SAMHD1: variants seen among roughly 807,000 people sequenced by gnomAD.
SAMHD1 encodes the protein deoxynucleoside triphosphate triphosphohydrolase SAMHD1.
SAMHD1 carries 54 observed loss-of-function variants against 79.6 expected under a neutral mutation model. That is an observed-to-expected ratio of 0.68 (90% CI 0.55 to 0.85). The LOEUF is 0.85. Among genes scored for constraint, SAMHD1 ranks in the 40% least tolerant of loss-of-function variants. The pLI is 0.00. For missense variants in SAMHD1, 663 were observed against 782.7 expected, an observed-to-expected ratio of 0.85 and a Z score of 1.82; for synonymous variants, 260 against 264.1, an observed-to-expected ratio of 0.98 and a Z score of 0.15.
chr20:36,928,396 A>G (rs1185063894), intron 5 of SAMHD1, among the ~76,000 whole-genome samples: 1 of 151,430 alleles, frequency 6.6e-6, no homozygotes, highest in African/African-American at 2.4e-5. Flanking sequence ...CTCAAAAGAA[A>G]AAAAAAGGGG....
chr20:36,916,535 T>C (rs1258953167), intron 9 of SAMHD1, 187 bp downstream of exon 9: 1 of 563,726 alleles, frequency 1.8e-6, no homozygotes, highest in Non-Finnish European at 3.1e-6. Context: ...ACTTAATAAA[T>C]GTCCATGTTA....
intron 9 of SAMHD1, among the ~76,000 whole-genome samples, chr20:36,912,997 TCC>T (rs1236082988): frequency 7.4e-6 from 1 of 134,994 alleles, no homozygotes; most frequent in African/African-American, 3.0e-5. Flanking sequence ...TTTTCTTTCT[TCC>T]TTTTTTTTTT....
chr20:36,920,812 T>C (rs1474239468), intron 6 of SAMHD1, among the ~76,000 whole-genome samples: 1 of 151,214 alleles, frequency 6.6e-6, no homozygotes, highest in African/African-American at 2.4e-5. Flanking sequence ...CTGGGTGCAG[T>C]GGCTCACATT....
At chr20:36,925,358 C>T (rs2063530435) in intron 6 of SAMHD1, among the ~76,000 whole-genome samples, 3 of 152,088 alleles carry the variant, frequency 2.0e-5, no homozygotes, top group Admixed American at 2.0e-4. Context: ...GGAGAGAGAC[C>T]AAAACCAAGT....
chr20:36,938,647 T>A (rs990005733), intron 3 of SAMHD1, among the ~76,000 whole-genome samples: 1 of 150,620 alleles, frequency 6.6e-6, no homozygotes, highest in Non-Finnish European at 1.5e-5. Context: ...CCATCCTAGC[T>A]AACGCGGTGA....
intron 15 of SAMHD1, chr20:36,897,439 G>A (rs1668749663): frequency 3.2e-6 from 1 of 316,076 alleles, no homozygotes; most frequent in East Asian, 8.2e-5. Flanking sequence ...AAGTAACGAG[G>A]TTTAGAAACA....
At chr20:36,924,750 C>T (rs2063526604) in intron 6 of SAMHD1, among the ~76,000 whole-genome samples, 2 of 151,534 alleles carry the variant, frequency 1.3e-5, no homozygotes, top group South Asian at 2.1e-4. Flanking sequence ...TTTTTCTTCC[C>T]CAAGTAACAA....
Position 36,899,924 on chromosome 20 carries a change from T to C in SAMHD1, c.1504-1380A>G, listed in dbSNP as rs144617696. On this transcript the variant is annotated intron_variant, in intron 13 of 15. Transcript: ENST00000646673. ...GCCTGTCCAATATGGTGAAACCCCA[T>C]CTCAACTAAAAATACAAAAATTAGC... 8.0e-3 allele frequency among the ~76,000 whole-genome samples: 1,215 copies of C among 152,136 alleles called. 14 individuals carry two copies. Among genetic ancestry groups the C allele is most frequent in the African/African-American group, 0.027 (1,108 of 41,494 alleles).
chr20:36,907,308 G>C (rs1264427968), intron 11 of SAMHD1, among the ~76,000 whole-genome samples: 1 of 150,336 alleles, frequency 6.7e-6, no homozygotes, highest in Non-Finnish European at 1.5e-5. Flanking sequence ...TGTCAGGCTG[G>C]AGTGAAGTGG....
chr20:36,941,017 TAAC>T lies in SAMHD1; in HGVS notation c.348+19_348+21del, dbSNP rs1178558707. ...TATATCACTTTATATTCAAAAAACA[TAAC>T]AAACTCAGATCCTCTTACCTTCATT... On this transcript the variant is annotated intron_variant, in intron 3 of 15. Coordinates refer to ENST00000646673, the MANE Select transcript of SAMHD1 (RefSeq NM_015474.4). 18 of 1,582,304 alleles carry T rather than the reference TAAC, an allele frequency of 1.1e-5. No individual in the cohort carries two copies. Among genetic ancestry groups the T allele is most frequent in the Non-Finnish European group, 1.6e-5 (18 of 1,151,582 alleles).
At position 36,946,788 on chromosome 20, in the gene SAMHD1, G is replaced by C; in HGVS notation, c.225C>G (p.Gly75=). 6.2e-7 allele frequency: 1 copy of C among 1,612,292 alleles called. No individual in the cohort carries two copies. Among genetic ancestry groups the C allele is most frequent in the Non-Finnish European group, 8.5e-7 (1 of 1,178,726 alleles). The change falls in exon 2 of 16, where the codon GGC becomes GGG. Residue 75 remains glycine, a synonymous_variant. Coordinates refer to ENST00000646673, the MANE Select transcript of SAMHD1 (RefSeq NM_015474.4). ...LKNIRENEIT[G]ALLPCLDESR... ...ACTCATCAAGACAAGGCAGTAATGC[G>C]CCTGTGATTTCATTTTCTATGGAAG...
At chr20:36,933,411 T>G (rs2063579815) in intron 4 of SAMHD1, among the ~76,000 whole-genome samples, 1 of 152,214 alleles carries the variant, frequency 6.6e-6, no homozygotes, top group South Asian at 2.1e-4. Context: ...AGCAACTCTG[T>G]ACCAGAGTAA....
intron 13 of SAMHD1, among the ~76,000 whole-genome samples, chr20:36,903,155 G>C (rs2063384623): frequency 6.6e-6 from 1 of 152,200 alleles, no homozygotes; most frequent in Non-Finnish European, 1.5e-5. Flanking sequence ...AAAGGGGTTT[G>C]TGGACAGAGA....
In SAMHD1 at chr20:36,935,872, A is replaced by G. The variant is rs1032085025; in HGVS notation, c.349-683T>C. On this transcript the variant is annotated intron_variant, in intron 3 of 15. Transcript: ENST00000646673. ...AGGCGTGAGCCACCGTGCCCGGCCT[A>G]AATTTTTTTTTTTCTAAATGTATCT... 1.8e-3 allele frequency among the ~76,000 whole-genome samples: 272 copies of G among 152,074 alleles called. 4 individuals are homozygous for G. The highest frequency in any genetic ancestry group is 2.8e-4 in the Non-Finnish European group (19 of 67,946).
At position 36,930,885 on chromosome 20, in the gene SAMHD1, A is replaced by G. The variant is rs761202662; in HGVS notation, c.510-10T>C. ...TGCTAGATACCCCACCCTGCAGAGC[A>G]AAAACACAAAAAGTCACTTTTCTGT... On this transcript the variant is annotated splice_polypyrimidine_tract_variant and intron_variant, in intron 4 of 15. Transcript: ENST00000646673. 1.3e-6 allele frequency: 2 copies of G among 1,578,292 alleles called. No individual in the cohort carries two copies. Among genetic ancestry groups the G allele is most frequent in the African/African-American group, 2.7e-5 (2 of 74,210 alleles).
In SAMHD1 at chr20:36,942,740, G is replaced by A. The variant is rs1157555972; in HGVS notation, c.276-1629C>T. On this transcript the variant is annotated intron_variant, in intron 2 of 15. Transcript: ENST00000646673. ...CGGCTCACTGCAAGCTCCACCTCCC[G>A]GGTTCACGCCATTCTCCCGCCTCAG... Among the ~76,000 whole-genome samples the A allele has an allele frequency of 3.3e-5, 5 of 151,866 alleles. No homozygotes were observed. In the South Asian group the frequency reaches 6.2e-4, roughly 19 times the overall value.
At chr20:36,943,726 T>G (rs556420231) in intron 2 of SAMHD1, among the ~76,000 whole-genome samples, 1 of 152,144 alleles carries the variant, frequency 6.6e-6, no homozygotes, top group Non-Finnish European at 1.5e-5. Flanking sequence ...GCAACTATTA[T>G]GTACAAGAAA....
At chr20:36,939,759 G>T (rs1292012040) in intron 3 of SAMHD1, among the ~76,000 whole-genome samples, 4 of 152,084 alleles carry the variant, frequency 2.6e-5, no homozygotes, top group Non-Finnish European at 4.4e-5. Context: ...TACAAAAAAA[G>T]AAGATATCCT....
intron 6 of SAMHD1, among the ~76,000 whole-genome samples, chr20:36,923,965 A>C (rs537936198): frequency 1.3e-5 from 2 of 152,188 alleles, no homozygotes; most frequent in African/African-American, 4.8e-5. Flanking sequence ...ACAAAAAAGG[A>C]CTGGCCAGGT....
Sources: allele counts gnomAD v4.1 joint callset (sites outside exome capture counted in the v4.1 genomes callset), GRCh38; gene constraint gnomAD v4.1.1; transcripts MANE v1.5; gene names NCBI Gene and HGNC (gene_info 2026-07-23, HGNC 2026-07-21).